USP6NL: variants seen among roughly 807,000 people sequenced by gnomAD.
USP6NL encodes the protein USP6 N-terminal like.
USP6NL carries 26 observed loss-of-function variants against 61.9 expected under a neutral mutation model. The observed-to-expected ratio is 0.42, with a 90% CI of 0.31 to 0.58. The LOEUF is 0.58. USP6NL is among the 20% of genes least tolerant of loss of function. The probability of loss-of-function intolerance (pLI) is 0.16; values close to 1 mark genes in which losing one functional copy is unlikely to be tolerated. For synonymous variants in USP6NL, 432 were observed against 390.1 expected, an observed-to-expected ratio of 1.11 and a Z score of -1.27; for missense variants, 1,114 against 1,034.3, an observed-to-expected ratio of 1.08 and a Z score of -1.06.
intron 2 of USP6NL, among the ~76,000 whole-genome samples, chr10:11,556,664 AT>A (rs1836717584): frequency 1.3e-5 from 2 of 152,256 alleles, no homozygotes; most frequent in Admixed American, 1.3e-4. Flanking sequence ...GGCAATAATC[AT>A]TACAGGAGAT....
chr10:11,581,035 C>G (rs1224633363), intron 2 of USP6NL, among the ~76,000 whole-genome samples: 1 of 152,128 alleles, frequency 6.6e-6, no homozygotes, highest in Non-Finnish European at 1.5e-5. Context: ...ATAAGTAATT[C>G]AAACCAACAC....
At chr10:11,569,118 G>A (rs535999210) in intron 2 of USP6NL, among the ~76,000 whole-genome samples, 1 of 152,234 alleles carries the variant, frequency 6.6e-6, no homozygotes, top group South Asian at 2.1e-4. Context: ...ACCAAATAAA[G>A]TAAATTAGAT....
chr10:11,492,483 A>T (rs1833744860), intron 8 of USP6NL, among the ~76,000 whole-genome samples: 1 of 151,992 alleles, frequency 6.6e-6, no homozygotes, highest in South Asian at 2.1e-4. Flanking sequence ...TGAAGAAGAA[A>T]CTCTGCCTGT....
intron 2 of USP6NL, among the ~76,000 whole-genome samples, chr10:11,554,177 G>A (rs1048559254): frequency 1.3e-5 from 2 of 152,200 alleles, no homozygotes; most frequent in African/African-American, 4.8e-5. Flanking sequence ...ACAGAAGAAA[G>A]AGCAACGGTG....
rs1180789655 is a variant in USP6NL, at chr10:11,462,353, A to G, written c.*88T>C. On this transcript the variant is annotated 3_prime_UTR_variant, in exon 15 of 15. Coordinates refer to ENST00000609104, the MANE Select transcript of USP6NL (RefSeq NM_014688.5). Reference sequence around the variant, plus strand: ...GAGAGATGTGCGAGTTGTTTACAATAGTATAAATACTGCTTTGGCAATTAT... The same window carrying G: ...GAGAGATGTGCGAGTTGTTTACAATGGTATAAATACTGCTTTGGCAATTAT... 3.5e-6 allele frequency: 5 copies of G among 1,418,410 alleles called. No individual in the cohort carries two copies. The East Asian group carries it at 9.6e-5, about 27-fold the overall frequency. The allele number at this position is 1,418,410 out of a possible 1,614,324, so 87.9% of individuals were successfully genotyped here. A position where few individuals can be genotyped will look rare whatever the true frequency, so the allele number is the denominator to read the frequency against.
At position 11,525,846 on chromosome 10, in the gene USP6NL, T is replaced by C. The variant is rs984163947; in HGVS notation, c.73-378A>G. Among the ~76,000 whole-genome samples, 1 of 152,166 alleles carries C rather than the reference T, an allele frequency of 6.6e-6. No homozygotes were observed. Among genetic ancestry groups the C allele is most frequent in the Non-Finnish European group, 1.5e-5 (1 of 68,024 alleles). On this transcript the variant is annotated intron_variant, in intron 3 of 14. Coordinates refer to ENST00000609104, the MANE Select transcript of USP6NL (RefSeq NM_014688.5). This position sits in a 1 kb window ranked among gnomAD's most constrained non-coding sequence, Gnocchi z 5.0. ...ACCAAACACGTCTCAGAGAAAGAGA[T>C]TTTTCTTTTTTGCCTTTTTATGCAA...
rs1376242235 is a variant in USP6NL at position 11,532,780 on chromosome 10, T to C, written c.5-5213A>G. On this transcript the variant is annotated intron_variant, in intron 2 of 14. Coordinates refer to ENST00000609104, the MANE Select transcript of USP6NL (RefSeq NM_014688.5). This position sits in a 1 kb window ranked among gnomAD's most constrained non-coding sequence, Gnocchi z 4.1. ...ATAATAATTCTTAATGTGAAAATTG[T>C]AGCCTCTGTTTCAGCCCGTTTCAGA... Among the ~76,000 whole-genome samples the C allele has an allele frequency of 6.6e-6, 1 of 152,248 alleles. No individual in the cohort carries two copies. The highest frequency in any genetic ancestry group is 2.4e-5 in the African/African-American group (1 of 41,464).
chr10:11,469,101 C>T (rs1425757968), intron 14 of USP6NL, among the ~76,000 whole-genome samples: 4 of 152,178 alleles, frequency 2.6e-5, no homozygotes, highest in South Asian at 4.1e-4. Flanking sequence ...AAGTTTAACA[C>T]GTTCCATTTA....
At chr10:11,610,841 C>T (rs547998639) in intron 1 of USP6NL, among the ~76,000 whole-genome samples, 17 of 152,186 alleles carry the variant, frequency 1.1e-4, no homozygotes, top group Admixed American at 3.9e-4. Flanking sequence ...TCCTACGCGT[C>T]CCGCATTTTC....
chr10:11,483,614 AG>A (rs1290209790), intron 13 of USP6NL, among the ~76,000 whole-genome samples: 4 of 11,104 alleles, frequency 3.6e-4, no homozygotes, highest in African/African-American at 3.8e-4. Context: ...GGAGGGGGAG[AG>A]GGGGGGAGAA....
chr10:11,585,849 T>A lies in USP6NL; in HGVS notation c.4+11782A>T, dbSNP rs1324494671. On this transcript the variant is annotated intron_variant, in intron 2 of 14. Transcript: ENST00000609104. This position sits in a 1 kb window ranked among gnomAD's most constrained non-coding sequence, Gnocchi z 4.5. The stretch of plus-strand genomic sequence containing the variant: ...TGGATGGACCTTAAATACATTGTGC[T>A]GAGTTAAACCAGTTACAAAAATACA... 6.6e-6 allele frequency among the ~76,000 whole-genome samples: 1 copy of A among 152,214 alleles called. No homozygotes were observed. The highest frequency in any genetic ancestry group is 2.4e-5 in the African/African-American group (1 of 41,456).
In USP6NL at chr10:11,510,356, TG is replaced by T. The variant is rs1414458790; in HGVS notation, c.196-682del. Among the ~76,000 whole-genome samples the T allele has an allele frequency of 6.6e-6, 1 of 152,072 alleles. No homozygotes were observed. Among genetic ancestry groups the T allele is most frequent in the African/African-American group, 2.4e-5 (1 of 41,410 alleles). On this transcript the variant is annotated intron_variant, in intron 5 of 14. Transcript: ENST00000609104. This position sits in a 1 kb window ranked among gnomAD's most constrained non-coding sequence, Gnocchi z 4.8. ...GAGGAACAGAGAGATTATTAGGGTT[TG>T]TTTTTTTTTAATCAAATGCAATGTG...
Position 11,520,274 on chromosome 10 carries a change from A to C in USP6NL, c.156-1700T>G, listed in dbSNP as rs548811421. On this transcript the variant is annotated intron_variant, in intron 4 of 14. Transcript: ENST00000609104. The surrounding 1 kb of genome is among the most constrained non-coding windows in gnomAD (Gnocchi z 5.2). ...ATAAAAAAGTCTTCAGACCTCATAG[A>C]TGGATGATAGAGTAAATATGTGGTC... 9.9e-4 allele frequency among the ~76,000 whole-genome samples: 151 copies of C among 152,314 alleles called. 2 individuals are homozygous for C. Among genetic ancestry groups the C allele is most frequent in the African/African-American group, 3.4e-3 (142 of 41,572 alleles).
At chr10:11,521,188 T>C (rs555467295) in intron 4 of USP6NL, among the ~76,000 whole-genome samples, 2 of 151,952 alleles carry the variant, frequency 1.3e-5, no homozygotes, top group African/African-American at 2.4e-5. Flanking sequence ...GTTGACTATA[T>C]TGACTAAATT....
chr10:11,486,996 G>A (rs1001486545), intron 10 of USP6NL, among the ~76,000 whole-genome samples: 2 of 151,042 alleles, frequency 1.3e-5, no homozygotes, highest in African/African-American at 4.9e-5. Context: ...AATTTCCAGA[G>A]ACAGAAATTC....
In USP6NL at chr10:11,574,266, G is replaced by A. The variant is rs1304597049; in HGVS notation, c.4+23365C>T. 6.6e-6 allele frequency among the ~76,000 whole-genome samples: 1 copy of A among 152,124 alleles called. No individual in the cohort carries two copies. Among genetic ancestry groups the A allele is most frequent in the African/African-American group, 2.4e-5 (1 of 41,414 alleles). On this transcript the variant is annotated intron_variant, in intron 2 of 14. Coordinates refer to ENST00000609104, the MANE Select transcript of USP6NL (RefSeq NM_014688.5). The surrounding 1 kb of genome is among the most constrained non-coding windows in gnomAD (Gnocchi z 4.3). ...GCTCCCAGATTTGCATAAAAGATAT[G>A]GTGCCTCAAAAATATCCTATAAATT...
At chr10:11,559,951 G>T (rs1836859857) in intron 2 of USP6NL, among the ~76,000 whole-genome samples, 1 of 151,998 alleles carries the variant, frequency 6.6e-6, no homozygotes, top group Admixed American at 6.6e-5. Flanking sequence ...TAGTATTTGT[G>T]CATGAAAAAA....
intron 14 of USP6NL, among the ~76,000 whole-genome samples, chr10:11,464,562 C>A (rs889642192): frequency 1.3e-5 from 2 of 152,188 alleles, no homozygotes; most frequent in Non-Finnish European, 2.9e-5. Context: ...TGATCCTCCT[C>A]CTCCACTATA....
At chr10:11,605,104 G>A (rs1458552739) in intron 1 of USP6NL, among the ~76,000 whole-genome samples, 1 of 152,192 alleles carries the variant, frequency 6.6e-6, no homozygotes, top group Non-Finnish European at 1.5e-5. Flanking sequence ...ACAAGACAGT[G>A]TGAAATTACC....
Sources: allele counts gnomAD v4.1 joint callset (sites outside exome capture counted in the v4.1 genomes callset), GRCh38; gene constraint gnomAD v4.1.1; non-coding constraint Gnocchi (gnomAD v3.1); transcripts MANE v1.5; gene names NCBI Gene and HGNC (gene_info 2026-07-23, HGNC 2026-07-21).